CHD1: variants seen among roughly 807,000 people sequenced by gnomAD.
The protein encoded by CHD1 is ATP-dependent chromatin remodeler CHD1.
Under a neutral mutation model 224.2 loss-of-function variants are expected in CHD1, and 36 were observed. The ratio of observed to expected loss-of-function variants is 0.16; its 90% CI spans 0.12 to 0.21. The LOEUF (loss-of-function observed/expected upper bound fraction) is 0.21. CHD1 is among the 10% of genes least tolerant of loss of function. CHD1 has a pLI of 1.00. For missense variants in CHD1, 1,378 were observed against 1,994.8 expected (o/e 0.69, Z 5.89); for synonymous variants, 668 against 658.3 (o/e 1.01, Z -0.23).
intron 22 of CHD1, among the ~76,000 whole-genome samples, chr5:98,880,176 G>A (rs1179139470): frequency 6.6e-6 from 1 of 152,182 alleles, no homozygotes; most frequent in African/African-American, 2.4e-5. Context: ...TAATTTCTGT[G>A]AGGATTACAT....
intron 2 of CHD1, among the ~76,000 whole-genome samples, chr5:98,926,051 CTTAA>C (rs1394441882): frequency 2.0e-5 from 3 of 151,930 alleles, no homozygotes; most frequent in Admixed American, 6.6e-5. Context: ...CATGCTCCAG[CTTAA>C]TTATTAGCTC....
Position 98,856,528 on chromosome 5 carries a change from G to A in CHD1, c.4985C>T (p.Ser1662Leu), listed in dbSNP as rs781077322. The A allele has an allele frequency of 5.6e-6, 9 of 1,613,914 alleles. No individual in the cohort carries two copies. In the South Asian group the frequency reaches 8.8e-5, roughly 16 times the overall value. Reference sequence around the variant, plus strand: ...AGCTCTGTGGTCCATTTGCCAGTCTGAGTGATACCTATAATCCCTGGAAGA... The same window carrying A: ...AGCTCTGTGGTCCATTTGCCAGTCTAAGTGATACCTATAATCCCTGGAAGA... ...HKSSRDYRYH[S>L]DWQMDHRASS... is the part of the protein sequence containing the mutation. The change falls in exon 36 of 36, where the codon TCA becomes TTA. Residue 1662 changes from serine to leucine, a missense_variant. Ser to Leu is a moderately radical substitution (Grantham distance 145, BLOSUM62 -2). Transcript: ENST00000614616.
chr5:98,868,423 T>A, intron 31 of CHD1, 72 bp downstream of exon 31: 1 of 1,331,192 alleles, frequency 7.5e-7, no homozygotes, highest in Non-Finnish European at 1.0e-6. Flanking sequence ...CTAAATTAAA[T>A]GCTATAAATG....
intron 16 of CHD1, among the ~76,000 whole-genome samples, chr5:98,888,711 A>C (rs1580435460): frequency 6.6e-6 from 1 of 152,204 alleles, no homozygotes; most frequent in South Asian, 2.1e-4. Flanking sequence ...AAGTACCAGG[A>C]AGGGTTAAGA....
rs1258547437 is a variant in CHD1 at position 98,858,837 on chromosome 5, CCTT to C, written c.4576+124_4576+126del. On this transcript the variant is annotated intron_variant, in intron 34 of 35. Transcript: ENST00000614616. ...GGTATGTATCAGAATTACTGTATCT[CCTT>C]AATATAAAGGTACTTATAAATAAAA... The C allele has an allele frequency of 5.7e-6, 3 of 527,316 alleles. No individual in the cohort carries two copies. In the African/African-American group the frequency reaches 6.0e-5, roughly 11 times the overall value. The allele number at this position is 527,316 out of a possible 1,614,324, so 32.7% of individuals were successfully genotyped here. A position where few individuals can be genotyped will look rare whatever the true frequency, so the allele number is the denominator to read the frequency against.
intron 2 of CHD1, among the ~76,000 whole-genome samples, chr5:98,911,141 AAAAAAATAT>A (rs1351414760): frequency 2.0e-4 from 23 of 114,740 alleles, no homozygotes; most frequent in South Asian, 8.4e-4. Context: ...AAAAAAAAAA[AAAAAAATAT>A]ATATATATAT....
In CHD1 at chr5:98,855,049, G is replaced by A. The variant is rs1444864524; in HGVS notation, c.*1331C>T. 6.6e-6 allele frequency: 1 copy of A among 152,168 alleles called. No individual in the cohort carries two copies. Among genetic ancestry groups the A allele is most frequent in the Admixed American group, 6.6e-5 (1 of 15,256 alleles). 9.4% of individuals were successfully genotyped at this position (152,168 alleles called of 1,614,324 possible). On this transcript the variant is annotated 3_prime_UTR_variant, in exon 36 of 36. Transcript: ENST00000614616. Reference sequence around the variant, plus strand: ...ATTCATAGTCTCCAAAACAGATTTAGTTGTAATGCTACACATTACAAATAT... The same window carrying A: ...ATTCATAGTCTCCAAAACAGATTTAATTGTAATGCTACACATTACAAATAT...
chr5:98,924,661 A>G (rs1333974944), intron 2 of CHD1, among the ~76,000 whole-genome samples: 1 of 152,214 alleles, frequency 6.6e-6, no homozygotes, highest in Non-Finnish European at 1.5e-5. Flanking sequence ...AAACTAAAGT[A>G]TAACTAGCAA....
At chr5:98,856,871 T>G in intron 35 of CHD1, 146 bp from the exon 36 acceptor site, 1 of 614,796 alleles carries the variant, frequency 1.6e-6, no homozygotes, top group Non-Finnish European at 2.8e-6. Flanking sequence ...CTTACTTAAT[T>G]AACTCAAAAA....
At chr5:98,913,201 T>C (rs115735831) in intron 2 of CHD1, among the ~76,000 whole-genome samples, 10,485 of 152,276 alleles carry the variant, frequency 0.069, 387 homozygotes, top group African/African-American at 0.1. Context: ...CTAGGCATGG[T>C]GGCTCACACC....
chr5:98,909,331 G>T (rs1166196457), intron 2 of CHD1, among the ~76,000 whole-genome samples: 1 of 152,090 alleles, frequency 6.6e-6, no homozygotes, highest in Admixed American at 6.5e-5. Flanking sequence ...CTAGAGGCTT[G>T]ATCAGATTCA....
intron 26 of CHD1, 80 bp downstream of exon 26, chr5:98,873,513 G>A (rs1580385524): frequency 9.4e-7 from 1 of 1,060,166 alleles, no homozygotes; most frequent in Non-Finnish European, 1.3e-6. Context: ...AATAATTTAA[G>A]ATATAATATC....
intron 25 of CHD1, among the ~76,000 whole-genome samples, chr5:98,874,829 G>A (rs181643188): frequency 1.1e-4 from 17 of 152,174 alleles, no homozygotes; most frequent in Admixed American, 7.9e-4. Context: ...GTGCCTTACC[G>A]TCATAAAAGT....
At chr5:98,910,844 T>C (rs955008713) in intron 2 of CHD1, among the ~76,000 whole-genome samples, 1 of 152,032 alleles carries the variant, frequency 6.6e-6, no homozygotes, top group Non-Finnish European at 1.5e-5. Context: ...AGGATGTACA[T>C]GTTGTTTTCA....
chr5:98,868,932 G>A (rs1217602058), intron 30 of CHD1: 2 of 615,638 alleles, frequency 3.2e-6, no homozygotes, highest in Admixed American at 1.2e-4. Flanking sequence ...GACTAATAAG[G>A]GCTGATATGC....
chr5:98,863,914 G>A (rs1748661337), intron 31 of CHD1, among the ~76,000 whole-genome samples: 1 of 152,126 alleles, frequency 6.6e-6, no homozygotes, highest in Admixed American at 6.5e-5. Context: ...ACTATTAAAA[G>A]ATAGTAAAAT....
At chr5:98,857,617 T>G (rs1748136506) in intron 35 of CHD1, among the ~76,000 whole-genome samples, 1 of 152,100 alleles carries the variant, frequency 6.6e-6, no homozygotes, top group African/African-American at 2.4e-5. Flanking sequence ...AAATACTTCT[T>G]TATCAATAAA....
chr5:98,895,040 C>T (rs1011800411), intron 12 of CHD1, among the ~76,000 whole-genome samples: 3 of 152,018 alleles, frequency 2.0e-5, no homozygotes, highest in Non-Finnish European at 4.4e-5. Context: ...AGACTGGTCT[C>T]GAACTCCCAG....
At position 98,902,953 on chromosome 5, in the gene CHD1, G is replaced by T; in HGVS notation, c.384C>A (p.Ser128Arg). Residue 128 changes from serine (S) to arginine (R), a missense_variant, in exon 5 of 36, where the codon AGC (serine) becomes AGA (arginine). By Grantham distance (110) the Ser-to-Arg change is moderately radical. Transcript: ENST00000614616. Reference protein sequence around the residue: ...SNSGSEEDSSSSEDSDDSSSE... With the variant: ...SNSGSEEDSSRSEDSDDSSSE... ...TTGATGAGTCATCGGAATCTTCACT[G>T]CTAGAGGAATCCTGTAGAAAAGAAA... The T allele has an allele frequency of 6.3e-7, 1 of 1,594,192 alleles. No homozygotes were observed. The highest frequency in any genetic ancestry group is 8.6e-7 in the Non-Finnish European group (1 of 1,164,598).
Sources: allele counts gnomAD v4.1 joint callset (sites outside exome capture counted in the v4.1 genomes callset), GRCh38; gene constraint gnomAD v4.1.1; transcripts MANE v1.5; gene names NCBI Gene and HGNC (gene_info 2026-07-23, HGNC 2026-07-21).